The following NSA2 variants were observed in gnomAD, a reference collection of about 807,000 sequenced individuals.
NSA2 encodes NSA2 ribosome biogenesis factor, also known as ribosome biogenesis protein NSA2 homolog.
In NSA2, 18 loss-of-function variants were observed where a neutral mutation model predicts 34.8. The observed-to-expected ratio is 0.52, with a 90% CI of 0.36 to 0.77. The LOEUF (loss-of-function observed/expected upper bound fraction) is 0.77. NSA2 is among the 30% of genes least tolerant of loss of function. The pLI is 0.00. For synonymous variants in NSA2, 79 were observed against 100.2 expected (o/e 0.79, Z 1.26); for missense variants, 188 against 314.7 (o/e 0.60, Z 3.05).
rs990163660 is a variant in NSA2, at chr5:74,777,485, G to A, written c.*814G>A. On this transcript the variant is annotated 3_prime_UTR_variant, in exon 6 of 6. Transcript: ENST00000610426. ...ATGATGTAAAAAGGTAAGGATTTAC[G>A]GTTGTAACTTGGTGAAAGCACTTTT... The A allele has an allele frequency of 2.0e-5, 3 of 152,066 alleles. No homozygotes were observed. Among genetic ancestry groups the A allele is most frequent in the African/African-American group, 7.2e-5 (3 of 41,438 alleles). 9.4% of individuals were successfully genotyped at this position (152,066 alleles called of 1,614,324 possible).
At chr5:74,775,714 T>A (rs1168227213) in intron 5 of NSA2, among the ~76,000 whole-genome samples, 5 of 150,216 alleles carry the variant, frequency 3.3e-5, no homozygotes, top group South Asian at 2.1e-4. Context: ...AAAAAAAAAA[T>A]AGAATAAATT....
At chr5:74,775,734 C>G (rs754107955) in intron 5 of NSA2, among the ~76,000 whole-genome samples, 2 of 151,530 alleles carry the variant, frequency 1.3e-5, no homozygotes, top group Non-Finnish European at 2.9e-5. Flanking sequence ...TAACCATGAG[C>G]CGAGGGAGGC....
At chr5:74,768,135 A>G (rs1744768702) in intron 1 of NSA2, among the ~76,000 whole-genome samples, 1 of 152,274 alleles carries the variant, frequency 6.6e-6, no homozygotes, top group South Asian at 2.1e-4. Context: ...ACGGTCTGGC[A>G]GTAAACACAC....
At chr5:74,769,184 T>C (rs771890541) in intron 2 of NSA2, 30 bp from the exon 3 acceptor site, 46 of 1,594,368 alleles carry the variant, frequency 2.9e-5, no homozygotes, top group Non-Finnish European at 3.8e-5. Flanking sequence ...TTAAAACAGA[T>C]AATCTTGAAT....
At chr5:74,770,325 T>A (rs1744874257) in intron 3 of NSA2, among the ~76,000 whole-genome samples, 2 of 134,422 alleles carry the variant, frequency 1.5e-5, no homozygotes. Flanking sequence ...AGAGCGAGAC[T>A]CCATCTAAAA....
rs1745279358 is a variant in NSA2, at chr5:74,779,128, T to A, written c.*2457T>A. 1 of 152,248 alleles carries A rather than the reference T, an allele frequency of 6.6e-6. No individual in the cohort carries two copies. The highest frequency in any genetic ancestry group is 2.4e-5 in the African/African-American group (1 of 41,574). The allele number at this position is 152,248 out of a possible 1,614,324, so 9.4% of individuals were successfully genotyped here. On this transcript the variant is annotated 3_prime_UTR_variant, in exon 6 of 6. Transcript: ENST00000610426. ...CTGAACAAAAAACTTCTAAATTGTT[T>A]ACAATTCACTTACTATTTAACCCAA...
At position 74,767,267 on chromosome 5, in the gene NSA2, C is replaced by T. The variant is rs1182806759; in HGVS notation, c.-94C>T. ...AAGGGTGACTCTTTCCTGTCCCGGC[C>T]TGCGTGGTGTGGGCTTGTGGGTCTT... On this transcript the variant is annotated 5_prime_UTR_variant, in exon 1 of 6. Transcript: ENST00000610426. The T allele has an allele frequency of 3.3e-6, 5 of 1,492,896 alleles. No homozygotes were observed. Among genetic ancestry groups the T allele is most frequent in the African/African-American group, 2.8e-5 (2 of 71,536 alleles). 92.5% of individuals were successfully genotyped at this position (1,492,896 alleles called of 1,614,324 possible). A position where few individuals can be genotyped will look rare whatever the true frequency, so the allele number is the denominator to read the frequency against.
chr5:74,769,267 C>A lies in NSA2; in HGVS notation c.245C>A (p.Pro82Gln). Residue 82 changes from proline (P) to glutamine (Q), a missense_variant, in exon 3 of 6, where the codon CCA becomes CAA. Physicochemically the swap from Pro to Gln is moderately conservative, Grantham distance 76 (BLOSUM62 -1). Transcript: ENST00000610426. ...NTKQKNDEKT[P>Q]QGAVPAYLLD... Reference sequence around the variant, plus strand: ...AAACAAAAGAATGATGAAAAGACACCACAGGGAGCAGTACCTGCCTATCTG... The same window carrying A: ...AAACAAAAGAATGATGAAAAGACACAACAGGGAGCAGTACCTGCCTATCTG... The A allele has an allele frequency of 6.2e-7, 1 of 1,612,870 alleles. No individual in the cohort carries two copies. The highest frequency in any genetic ancestry group is 1.3e-5 in the African/African-American group (1 of 74,910).
At position 74,779,225 on chromosome 5, in the gene NSA2, A is replaced by C. The variant is rs888516329; in HGVS notation, c.*2554A>C. ...TATATGATTAATAAACATTTTTTGT[A>C]AACTCAACTATATTCACACATCAAG... On this transcript the variant is annotated 3_prime_UTR_variant, in exon 6 of 6. Coordinates refer to ENST00000610426, the MANE Select transcript of NSA2 (RefSeq NM_014886.6). 1 of 152,152 alleles carries C rather than the reference A, an allele frequency of 6.6e-6. No individual in the cohort carries two copies. Among genetic ancestry groups the C allele is most frequent in the African/African-American group, 2.4e-5 (1 of 41,446 alleles). 9.4% of individuals were successfully genotyped at this position (152,152 alleles called of 1,614,324 possible).
rs769234817 is a variant in NSA2, at chr5:74,778,714, AC to A, written c.*2044del. ...AATTGAATAATTTAAACTTGAAAGA[AC>A]TAAAATACTAATAACCATCTGCTTT... On this transcript the variant is annotated 3_prime_UTR_variant, in exon 6 of 6. Coordinates refer to ENST00000610426, the MANE Select transcript of NSA2 (RefSeq NM_014886.6). 2 of 152,116 alleles carry A rather than the reference AC, an allele frequency of 1.3e-5. No homozygotes were observed. Among genetic ancestry groups the A allele is most frequent in the Non-Finnish European group, 2.9e-5 (2 of 67,930 alleles). The allele number at this position is 152,116 out of a possible 1,614,324, so 9.4% of individuals were successfully genotyped here.
chr5:74,768,293 T>C (rs1287855597), intron 1 of NSA2, among the ~76,000 whole-genome samples: 3 of 152,150 alleles, frequency 2.0e-5, no homozygotes, highest in Non-Finnish European at 4.4e-5. Context: ...ATAAAAAGGA[T>C]TGAAGTTCCT....
At chr5:74,772,329 T>A (rs1744969516) in intron 4 of NSA2, among the ~76,000 whole-genome samples, 1 of 152,122 alleles carries the variant, frequency 6.6e-6, no homozygotes, top group South Asian at 2.1e-4. Context: ...GGTTTCACCG[T>A]GTTAGCCAGG....
chr5:74,767,440 T>TA lies in NSA2; in HGVS notation c.3+78dup. 2.5e-6 allele frequency: 4 copies of TA among 1,568,726 alleles called. No individual in the cohort carries two copies. The South Asian group carries it at 4.4e-5, about 17-fold the overall frequency. ...ACCTGAGGACTCTGGGGCGCTGGGGTAGGGGGTGAGCGGTGGTAGGCGGAA... is the reference window on the plus strand; with the variant it reads ...ACCTGAGGACTCTGGGGCGCTGGGGTAAGGGGGTGAGCGGTGGTAGGCGGAA... On this transcript the variant is annotated intron_variant, in intron 1 of 5. Transcript: ENST00000610426.
At chr5:74,768,800 A>G (rs1236669781) in intron 1 of NSA2, 131 bp from the exon 2 acceptor site, 9 of 678,622 alleles carry the variant, frequency 1.3e-5, no homozygotes, top group Middle Eastern at 5.1e-4. Flanking sequence ...AATAAACTTA[A>G]TGGTGCAAGA....
At position 74,779,929 on chromosome 5, in the gene NSA2, T is replaced by A. The variant is rs1745328142; in HGVS notation, c.*3258T>A. On this transcript the variant is annotated 3_prime_UTR_variant, in exon 6 of 6. Coordinates refer to ENST00000610426, the MANE Select transcript of NSA2 (RefSeq NM_014886.6). ...CTCAAATAATGACACAAAGTCTTAG[T>A]TTCTTTTGCATAAGGATCAAGATCA... The A allele has an allele frequency of 6.6e-6, 1 of 152,162 alleles. No individual in the cohort carries two copies. Among genetic ancestry groups the A allele is most frequent in the Non-Finnish European group, 1.5e-5 (1 of 68,014 alleles). The allele number at this position is 152,162 out of a possible 1,614,324, so 9.4% of individuals were successfully genotyped here.
At chr5:74,767,499 C>A (rs1744721597) in intron 1 of NSA2, 136 bp downstream of exon 1, 3 of 1,032,540 alleles carry the variant, frequency 2.9e-6, no homozygotes, top group East Asian at 2.5e-5. Flanking sequence ...ATGGTAGACC[C>A]GTGGGGTGGG....
chr5:74,769,119 G>GT lies in NSA2; in HGVS notation c.191+2dup, dbSNP rs748177272. On this transcript the variant is annotated splice_donor_variant, in intron 2 of 5. Transcript: ENST00000610426. LOFTEE classifies it high-confidence loss of function. ...CTGAGAAAATACAAATGAAAAAGAC[G>GT]TAAGTGGTCTCATTTATTTGTCATA... The GT allele has an allele frequency of 1.2e-6, 2 of 1,601,684 alleles. No homozygotes were observed. The highest frequency in any genetic ancestry group is 1.1e-5 in the South Asian group (1 of 88,234).
At chr5:74,770,892 T>A in intron 4 of NSA2, 82 bp downstream of exon 4, 1 of 1,095,606 alleles carries the variant, frequency 9.1e-7, no homozygotes, top group East Asian at 2.7e-5. Flanking sequence ...TTTCCTGAAA[T>A]TCTTTAAATT....
chr5:74,772,999 T>C (rs1485054509), intron 4 of NSA2, among the ~76,000 whole-genome samples: 2 of 152,200 alleles, frequency 1.3e-5, no homozygotes, highest in African/African-American at 4.8e-5. Flanking sequence ...TCCAGTCTCA[T>C]ATTGCCATCA....
Sources: allele counts gnomAD v4.1 joint callset (sites outside exome capture counted in the v4.1 genomes callset), GRCh38; gene constraint gnomAD v4.1.1; transcripts MANE v1.5; gene names NCBI Gene and HGNC (gene_info 2026-07-23, HGNC 2026-07-21).